Variants in PLCG2 observed in about 807,000 individuals in gnomAD.
PLCG2 encodes phospholipase C gamma 2.
In PLCG2, 69 loss-of-function variants were observed where a neutral mutation model predicts 175.6. That is an observed-to-expected ratio of 0.39 (90% CI 0.32 to 0.48). PLCG2 has a LOEUF of 0.48. Ranked by LOEUF, PLCG2 falls within the 20% of genes least tolerant of loss-of-function variation. The pLI is 0.91. For missense variants in PLCG2, 1,798 were observed against 1,650.9 expected (o/e 1.09, Z -1.54); for synonymous variants, 827 against 624.0 (o/e 1.33, Z -4.85).
At chr16:81,840,744 G>T (rs1392568624) in intron 2 of PLCG2, among the ~76,000 whole-genome samples, 4 of 152,138 alleles carry the variant, frequency 2.6e-5, no homozygotes, top group Non-Finnish European at 5.9e-5. Context: ...ATTCCTAACG[G>T]GCCACAGACA....
chr16:81,865,881 C>T (rs1245552090), intron 5 of PLCG2, among the ~76,000 whole-genome samples: 74 of 133,392 alleles, frequency 5.5e-4, no homozygotes, highest in African/African-American at 1.7e-3. Context: ...CATGAGAGGA[C>T]GCTGGCCTCT....
At chr16:81,810,918 C>A (rs770097099) in intron 2 of PLCG2, among the ~76,000 whole-genome samples, 2 of 152,138 alleles carry the variant, frequency 1.3e-5, no homozygotes, top group Non-Finnish European at 2.9e-5. Flanking sequence ...ACTTTTGCTT[C>A]CCTCTCTAAG....
At chr16:81,829,373 T>C (rs183003947) in intron 2 of PLCG2, among the ~76,000 whole-genome samples, 1 of 152,176 alleles carries the variant, frequency 6.6e-6, no homozygotes, top group African/African-American at 2.4e-5. Flanking sequence ...CCTCCCAAAG[T>C]GCTGGGATTA....
upstream of PLCG2, among the ~76,000 whole-genome samples, chr16:81,774,801 C>T (rs1477327469): frequency 9.9e-5 from 15 of 151,616 alleles, no homozygotes; most frequent in Non-Finnish European, 2.1e-4. Flanking sequence ...TGCAGTGGCA[C>T]ATGATCTCGG....
intron 22 of PLCG2, among the ~76,000 whole-genome samples, chr16:81,926,340 G>A (rs150328572): frequency 3.9e-5 from 6 of 152,266 alleles, no homozygotes; most frequent in African/African-American, 1.2e-4. Context: ...CCCTGGCTGC[G>A]GAAAATAGCT....
chr16:81,865,986 G>A (rs77463676), intron 5 of PLCG2, among the ~76,000 whole-genome samples: 22 of 82,622 alleles, frequency 2.7e-4, no homozygotes, highest in Admixed American at 4.7e-4. Flanking sequence ...GGGCACCAGC[G>A]TGAGAGGACG....
At chr16:81,847,756 A>G (rs1300033293) in intron 2 of PLCG2, among the ~76,000 whole-genome samples, 1 of 152,204 alleles carries the variant, frequency 6.6e-6, no homozygotes, top group East Asian at 1.9e-4. Flanking sequence ...TATTTACATA[A>G]CATTTACATT....
At chr16:81,809,827 G>A (rs993323513) in intron 2 of PLCG2, among the ~76,000 whole-genome samples, 8 of 106,590 alleles carry the variant, frequency 7.5e-5, no homozygotes, top group Non-Finnish European at 1.1e-4. Context: ...TTTTTTGGCC[G>A]GGGCGGGGGG....
At chr16:81,767,825 C>A (rs759128748) in intron 2 of PLCG2, 1 of 152,230 alleles carries the variant, frequency 6.6e-6, no homozygotes, top group Non-Finnish European at 1.5e-5. Context: ...AACACTGCCT[C>A]TTCCAGAATG....
intron 9 of PLCG2, among the ~76,000 whole-genome samples, chr16:81,885,326 G>A (rs957511656): frequency 2.6e-5 from 2 of 78,004 alleles, no homozygotes; most frequent in East Asian, 3.9e-4. Flanking sequence ...GCCCAGCCCC[G>A]ACTAATTTTG....
intron 31 of PLCG2, 36 bp from the exon 32 acceptor site, chr16:81,956,659 T>A (rs1051800906): frequency 3.8e-6 from 6 of 1,580,432 alleles, no homozygotes. Flanking sequence ...GAAGGTGTAG[T>A]CACCACATGG....
At chr16:81,895,678 G>A in intron 12 of PLCG2, 129 bp from the exon 13 acceptor site, 1 of 990,988 alleles carries the variant, frequency 1.0e-6, no homozygotes, top group Non-Finnish European at 1.5e-6. Flanking sequence ...ATGTCCTCGT[G>A]TTGGCAGCCG....
At chr16:81,858,444 A>C in intron 4 of PLCG2, 88 bp downstream of exon 4, 51 of 897,892 alleles carry the variant, frequency 5.7e-5, no homozygotes, top group Non-Finnish European at 7.6e-5. Flanking sequence ...GGGGGAAAAA[A>C]AAAAAAAGGG....
chr16:81,775,437 T>C (rs1910377737), upstream of PLCG2, among the ~76,000 whole-genome samples: 1 of 152,208 alleles, frequency 6.6e-6, no homozygotes, highest in African/African-American at 2.4e-5. Context: ...TCCAAGTTCA[T>C]GCTTTCACAG....
chr16:81,847,416 C>T (rs1017175779), intron 2 of PLCG2, among the ~76,000 whole-genome samples: 1 of 152,118 alleles, frequency 6.6e-6, no homozygotes, highest in East Asian at 1.9e-4. Flanking sequence ...TAGCCCCTCT[C>T]TCCTTCCTGG....
chr16:81,864,135 G>T (rs1326582020), intron 5 of PLCG2, among the ~76,000 whole-genome samples: 1 of 152,186 alleles, frequency 6.6e-6, no homozygotes, highest in Non-Finnish European at 1.5e-5. Context: ...TCCCCTGGAG[G>T]ATTTGTGAAA....
intron 7 of PLCG2, among the ~76,000 whole-genome samples, chr16:81,879,515 G>A (rs1194630226): frequency 1.3e-5 from 2 of 152,120 alleles, no homozygotes; most frequent in Admixed American, 1.3e-4. Flanking sequence ...TGGACTCTCT[G>A]ATGCTTCTCA....
intron 2 of PLCG2, among the ~76,000 whole-genome samples, chr16:81,805,783 G>GTTTTTTTTTTTTTTTTTTTTTTTTTTT (rs35014411): frequency 1.2e-5 from 1 of 82,916 alleles, no homozygotes; most frequent in African/African-American, 5.5e-5. Flanking sequence ...TTTTTTTTTT[G>GTTTTTTTTTTTTTTTTTTTTTTTTTTT]TTTTTTTTTT....
At chr16:81,943,981 G>A (rs1366389237) in intron 30 of PLCG2, among the ~76,000 whole-genome samples, 1 of 152,166 alleles carries the variant, frequency 6.6e-6, no homozygotes, top group African/African-American at 2.4e-5. Context: ...GGCTCATTTT[G>A]AAGAGAACAA....
Sources: allele counts gnomAD v4.1 joint callset (sites outside exome capture counted in the v4.1 genomes callset), GRCh38; gene constraint gnomAD v4.1.1; transcripts MANE v1.5; gene names NCBI Gene and HGNC (gene_info 2026-07-23, HGNC 2026-07-21).